Variants in C20orf96 observed in about 807,000 individuals in gnomAD.
C20orf96 encodes chromosome 20 open reading frame 96.
A neutral mutation model predicts 52.6 loss-of-function variants in C20orf96; 57 were observed. The observed-to-expected ratio is 1.08, with a 90% confidence interval of 0.88 to 1.35. The LOEUF (loss-of-function observed/expected upper bound fraction) is 1.35, where lower values mean the gene tolerates loss of function less well. C20orf96 is among the 40% of genes most tolerant of loss of function. The pLI is 0.00. For missense variants in C20orf96, 478 were observed against 443.6 expected (o/e 1.08, Z -0.70); for synonymous variants, 168 against 157.2 (o/e 1.07, Z -0.51).
intron 4 of C20orf96, 74 bp from the exon 5 acceptor site, chr20:279,404 C>G (rs901919702): frequency 1.4e-6 from 2 of 1,467,486 alleles, no homozygotes; most frequent in Non-Finnish European, 1.8e-6. Flanking sequence ...CCCGTGGACC[C>G]GCCGCCCCGG....
Position 271,187 on chromosome 20 carries a change from G to A in C20orf96, c.*20C>T, listed in dbSNP as rs1423605656. ...GCTGGGAAGAGAGCAGGAGGGGAGG[G>A]CGGCCCATGGCACTGCCATCTAGAA... On this transcript the variant is annotated 3_prime_UTR_variant, in exon 11 of 11. Transcript: ENST00000360321. 2 of 1,548,898 alleles carry A rather than the reference G, an allele frequency of 1.3e-6. No homozygotes were observed. The highest frequency in any genetic ancestry group is 2.0e-5 in the Admixed American group (1 of 51,018).
Position 290,717 on chromosome 20 carries a change from A to C in C20orf96, c.-107T>G, listed in dbSNP as rs1483959980. ...CTCAGTGTAGATCGCGCGGTAACCC[A>C]GGCCACTCAGAAGTCCCGAGACCCG... is the stretch of plus-strand genomic sequence containing the variant. On this transcript the variant is annotated 5_prime_UTR_variant, in exon 1 of 11. Transcript: ENST00000360321. The C allele has an allele frequency of 7.6e-7, 1 of 1,309,342 alleles. No homozygotes were observed. The highest frequency in any genetic ancestry group is 1.0e-6 in the Non-Finnish European group (1 of 966,432). The allele number at this position is 1,309,342 out of a possible 1,614,324, so 81.1% of individuals were successfully genotyped here.
intron 4 of C20orf96, among the ~76,000 whole-genome samples, chr20:282,927 T>C (rs1265471170): frequency 1.3e-5 from 2 of 152,154 alleles, no homozygotes; most frequent in Non-Finnish European, 2.9e-5. Context: ...TTAAGAATAC[T>C]GGGCTACCTC....
intron 3 of C20orf96, among the ~76,000 whole-genome samples, chr20:288,466 A>ACC (rs949528414): frequency 2.0e-5 from 3 of 151,166 alleles, no homozygotes; most frequent in Non-Finnish European, 4.4e-5. Context: ...CAGTGCTCTG[A>ACC]CTCTCTCTCT....
intron 10 of C20orf96, among the ~76,000 whole-genome samples, chr20:273,744 G>A (rs780314579): frequency 7.2e-5 from 11 of 152,056 alleles, no homozygotes; most frequent in Non-Finnish European, 1.2e-4. Flanking sequence ...AGGCATGGTG[G>A]TGCACACCTG....
At chr20:281,688 G>C (rs2012258799) in intron 4 of C20orf96, among the ~76,000 whole-genome samples, 1 of 152,168 alleles carries the variant, frequency 6.6e-6, no homozygotes, top group African/African-American at 2.4e-5. Flanking sequence ...CTTTATAAAA[G>C]TGGACAGCAG....
chr20:281,407 C>T (rs2012251961), intron 4 of C20orf96, among the ~76,000 whole-genome samples: 1 of 151,894 alleles, frequency 6.6e-6, no homozygotes. Flanking sequence ...ACTCAGTGAA[C>T]AATAGCTGAT....
rs756929706 is a variant in C20orf96 at position 278,427 on chromosome 20, G to A, written c.468C>T (p.Thr156=). The stretch of plus-strand genomic sequence containing the variant: ...TTGAGTACTCCAAGATGTCGATGAT[G>A]GTCTGCGGGAGGGGTGGAGTCAACT... ...ALLQQQDTLA[T]IIDILEYSNK... is the part of the protein sequence containing the mutation. The change falls in exon 6 of 11, where the codon ACC becomes ACT. Residue 156 remains threonine (T), a splice_region_variant and synonymous_variant. Coordinates refer to ENST00000360321, the MANE Select transcript of C20orf96 (RefSeq NM_153269.3). The A allele has an allele frequency of 1.9e-6, 3 of 1,613,278 alleles. No individual in the cohort carries two copies. Among genetic ancestry groups the A allele is most frequent in the South Asian group, 2.2e-5 (2 of 91,054 alleles).
At chr20:285,621 G>T (rs2009818) in intron 3 of C20orf96, among the ~76,000 whole-genome samples, 55,354 of 151,976 alleles carry the variant, frequency 0.36, 10,382 homozygotes, top group East Asian at 0.51. Context: ...TAGCTCCGTT[G>T]CCCAGGCTGG....
intron 10 of C20orf96, among the ~76,000 whole-genome samples, chr20:272,555 C>T (rs1211019609): frequency 3.3e-5 from 5 of 152,112 alleles, no homozygotes; most frequent in Admixed American, 6.5e-5. Context: ...GGAGGTCTCA[C>T]TATGTTGTCC....
intron 3 of C20orf96, among the ~76,000 whole-genome samples, chr20:286,933 C>T (rs2012402176): frequency 6.6e-6 from 1 of 151,998 alleles, no homozygotes; most frequent in African/African-American, 2.4e-5. Context: ...TGGGGATTGG[C>T]TTTTTTTTAC....
chr20:288,970 C>G (rs1233666922), intron 3 of C20orf96, among the ~76,000 whole-genome samples: 15 of 152,018 alleles, frequency 9.9e-5, no homozygotes, highest in Admixed American at 9.8e-4. Flanking sequence ...AAAATCTGAC[C>G]CCATGTCTGC....
At chr20:281,959 CCT>C (rs1453957798) in intron 4 of C20orf96, among the ~76,000 whole-genome samples, 1 of 152,156 alleles carries the variant, frequency 6.6e-6, no homozygotes, top group Admixed American at 6.5e-5. Context: ...ACAGCGAGAC[CCT>C]GTCTCAATCA....
intron 4 of C20orf96, among the ~76,000 whole-genome samples, chr20:281,699 T>G (rs1366871123): frequency 6.6e-6 from 1 of 152,002 alleles, no homozygotes; most frequent in African/African-American, 2.4e-5. Context: ...TGGACAGCAG[T>G]CGGGCACAGT....
At chr20:272,693 C>T (rs2011880906) in intron 10 of C20orf96, among the ~76,000 whole-genome samples, 1 of 152,082 alleles carries the variant, frequency 6.6e-6, no homozygotes, top group African/African-American at 2.4e-5. Context: ...ATACACATCC[C>T]TCACCCCGCC....
chr20:277,432 C>T (rs1368199085), intron 6 of C20orf96, 49 bp from the exon 7 acceptor site: 22 of 1,601,276 alleles, frequency 1.4e-5, no homozygotes, highest in Admixed American at 1.7e-5. Flanking sequence ...AAGACCTTCC[C>T]TCAAGCACCT....
In C20orf96 at chr20:278,352, T is replaced by G; in HGVS notation, c.543A>C (p.Glu181Asp). The change falls in exon 6 of 11, where the codon GAA becomes GAC. Residue 181 changes from glutamate (E) to aspartate (D), a missense_variant. Physicochemically the swap from Glu to Asp is conservative, Grantham distance 45. Coordinates refer to ENST00000360321, the MANE Select transcript of C20orf96 (RefSeq NM_153269.3). ...TACAGCTCATCTTGCATTTCTTCTT[T>G]TCTTCCCACTCCTGAAGCTCAGATT... ...QLKSELQEWE[E>D]KKKCKMSYLE... 6.2e-7 allele frequency: 1 copy of G among 1,613,958 alleles called. No individual in the cohort carries two copies. The highest frequency in any genetic ancestry group is 8.5e-7 in the Non-Finnish European group (1 of 1,179,864).
Position 271,126 on chromosome 20 carries a change from TC to T in C20orf96, c.*80del. 1 of 1,202,254 alleles carries T rather than the reference TC, an allele frequency of 8.3e-7. No homozygotes were observed. The highest frequency in any genetic ancestry group is 1.2e-6 in the Non-Finnish European group (1 of 832,470). The allele number at this position is 1,202,254 out of a possible 1,614,324, so 74.5% of individuals were successfully genotyped here. On this transcript the variant is annotated 3_prime_UTR_variant, in exon 11 of 11. Coordinates refer to ENST00000360321, the MANE Select transcript of C20orf96 (RefSeq NM_153269.3). ...CTGTAGATCAGGGTCTGAATGGAGATCCGGTCCTGGAAGTAAATGATCCAAG... is the reference window on the plus strand; with the variant it reads ...CTGTAGATCAGGGTCTGAATGGAGATCGGTCCTGGAAGTAAATGATCCAAG...
At chr20:281,017 G>A (rs548828110) in intron 4 of C20orf96, among the ~76,000 whole-genome samples, 2 of 152,166 alleles carry the variant, frequency 1.3e-5, no homozygotes, top group East Asian at 3.9e-4. Context: ...TTCGCTGGGT[G>A]TGGTGGTGTA....
Sources: gnomAD v4.1 joint callset for allele counts (sites outside exome capture counted in the v4.1 genomes callset) on GRCh38, gnomAD v4.1.1 for gene constraint, MANE v1.5 for transcripts, NCBI Gene and HGNC (gene_info 2026-07-23, HGNC 2026-07-21) for gene names.